Variants in HDAC9 observed in about 807,000 individuals in gnomAD.
The protein encoded by HDAC9 is histone deacetylase 9, also known as MEF-2 interacting transcription repressor (MITR) protein.
A neutral mutation model predicts 139.4 loss-of-function variants in HDAC9; 41 were observed. That is an observed-to-expected ratio of 0.29 (90% CI 0.23 to 0.38). The LOEUF (loss-of-function observed/expected upper bound fraction) is 0.38, where lower values mean the gene tolerates loss of function less well. HDAC9 is among the 10% of genes least tolerant of loss of function. HDAC9 has a pLI of 1.00. For missense variants in HDAC9, 1,147 were observed against 1,297.0 expected (o/e 0.88, Z 1.78); for synonymous variants, 517 against 476.2 (o/e 1.09, Z -1.12).
rs904488315 is a variant in HDAC9 at position 18,786,839 on chromosome 7, C to T, written c.2215-6506C>T. Among the ~76,000 whole-genome samples, 35 of 30,208 alleles carry T rather than the reference C, an allele frequency of 1.2e-3. 1 individual carries two copies. Among genetic ancestry groups the T allele is most frequent in the African/African-American group, 2.0e-3 (30 of 15,270 alleles). 19.8% of individuals were successfully genotyped at this position (30,208 alleles called of 152,430 possible). On this transcript the variant is annotated intron_variant, in intron 16 of 25. Transcript: ENST00000686413. ...TCCTTCATTCCTTCCTTCCTTCATTCCTTCCTTCCTTCCTTCTCTTTTCTT... is the reference window on the plus strand; with the variant it reads ...TCCTTCATTCCTTCCTTCCTTCATTTCTTCCTTCCTTCCTTCTCTTTTCTT...
chr7:18,882,110 G>T (rs1799783193), intron 22 of HDAC9, among the ~76,000 whole-genome samples: 1 of 151,996 alleles, frequency 6.6e-6, no homozygotes, highest in Non-Finnish European at 1.5e-5. Flanking sequence ...AACGAGTAAG[G>T]CTAAAAAGAA....
At chr7:18,686,429 G>A (rs984716473) in intron 12 of HDAC9, among the ~76,000 whole-genome samples, 1 of 151,806 alleles carries the variant, frequency 6.6e-6, no homozygotes, top group Non-Finnish European at 1.5e-5. Flanking sequence ...ACATGTCTTA[G>A]CATTTTTAAT....
At chr7:18,628,166 T>G (rs967167954) in intron 6 of HDAC9, among the ~76,000 whole-genome samples, 1 of 152,152 alleles carries the variant, frequency 6.6e-6, no homozygotes, top group African/African-American at 2.4e-5. Context: ...ATTTTATAAT[T>G]TTTATGATGA....
chr7:18,584,589 C>T (rs1218851707), intron 2 of HDAC9, among the ~76,000 whole-genome samples: 1 of 151,954 alleles, frequency 6.6e-6, no homozygotes, highest in African/African-American at 2.4e-5. Flanking sequence ...TTTAAGTTTC[C>T]TCATACTTTT....
chr7:18,418,235 C>T (rs1419800429), intron 1 of HDAC9, among the ~76,000 whole-genome samples: 1 of 152,112 alleles, frequency 6.6e-6, no homozygotes, highest in Non-Finnish European at 1.5e-5. Flanking sequence ...GCAGAACTTC[C>T]TTGACACTTC....
chr7:18,536,087 G>A (rs1487498806), intron 2 of HDAC9, among the ~76,000 whole-genome samples: 1 of 152,162 alleles, frequency 6.6e-6, no homozygotes, highest in Non-Finnish European at 1.5e-5. Context: ...CTGCAACCCA[G>A]GTGCATGACA....
Position 18,749,020 on chromosome 7 carries a change from C to T in HDAC9, c.1925C>T (p.Pro642Leu). Residue 642 changes from proline (P) to leucine (L), a missense_variant, in exon 14 of 26, where the codon CCC (proline) becomes CTC (leucine). This residue lies in a region of HDAC9 where 256 missense variants were observed against 219.2 expected (regional missense o/e 1.17). Coordinates refer to ENST00000686413, the MANE Select transcript of HDAC9 (RefSeq NM_178425.4). ...PGSATGIAYD[P>L]LMLKHQCVCG... Reference sequence around the variant, plus strand: ...TGTCTTAAAGGAATTGCCTATGACCCCTTGATGCTGAAACACCAGTGCGTT... The same window carrying T: ...TGTCTTAAAGGAATTGCCTATGACCTCTTGATGCTGAAACACCAGTGCGTT... 1 of 1,613,482 alleles carries T rather than the reference C, an allele frequency of 6.2e-7. No individual in the cohort carries two copies. The highest frequency in any genetic ancestry group is 8.5e-7 in the Non-Finnish European group (1 of 1,179,682).
At chr7:18,946,036 C>CAAAATAAAAAAAAAAAAAAAAAAAAAAA (rs1563077235) in intron 23 of HDAC9, among the ~76,000 whole-genome samples, 3 of 38,260 alleles carry the variant, frequency 7.8e-5, no homozygotes, top group Admixed American at 6.0e-4. Flanking sequence ...GACTCCGTCT[C>CAAAATAAAAAAAAAAAAAAAAAAAAAAA]AAAAAAAAAA....
intron 11 of HDAC9, among the ~76,000 whole-genome samples, chr7:18,658,582 C>A (rs1264787010): frequency 1.3e-5 from 2 of 151,940 alleles, no homozygotes; most frequent in Admixed American, 1.3e-4. Flanking sequence ...AATAATGAAC[C>A]AATATTTAGA....
chr7:18,968,483 T>C (rs1784029230), intron 24 of HDAC9, among the ~76,000 whole-genome samples: 3 of 152,110 alleles, frequency 2.0e-5, no homozygotes, highest in Non-Finnish European at 2.9e-5. Flanking sequence ...TAATGTTCCA[T>C]ACATATATGG....
rs77660927 is a variant in HDAC9, at chr7:18,433,889, A to G, written c.-41-62373A>G. Among the ~76,000 whole-genome samples the G allele has an allele frequency of 3.3e-3, 503 of 152,272 alleles. 1 individual carries two copies. The highest frequency in any genetic ancestry group is 0.012 in the African/African-American group (488 of 41,546). ...TAATGCTATTCCTGTCAAACTACCAACCTTTTTCACAAAATTGGGGAAAAA... is the reference window on the plus strand; with the variant it reads ...TAATGCTATTCCTGTCAAACTACCAGCCTTTTTCACAAAATTGGGGAAAAA... On this transcript the variant is annotated intron_variant, in intron 1 of 3. Transcript: ENST00000413509.
At chr7:18,383,252 G>A (rs982807555) in intron 1 of HDAC9, among the ~76,000 whole-genome samples, 7 of 152,142 alleles carry the variant, frequency 4.6e-5, no homozygotes, top group African/African-American at 1.4e-4. Flanking sequence ...CGATGTGCTC[G>A]TGCAGGGATG....
At chr7:18,644,886 A>G (rs1786884070) in intron 9 of HDAC9, 93 bp downstream of exon 9, 11 of 1,313,670 alleles carry the variant, frequency 8.4e-6, no homozygotes, top group Admixed American at 2.7e-5. Flanking sequence ...TAGACTTTAG[A>G]AAAACTTGAC....
At chr7:18,520,283 G>A (rs567588611) in intron 2 of HDAC9, among the ~76,000 whole-genome samples, 120 of 152,140 alleles carry the variant, frequency 7.9e-4, no homozygotes, top group Non-Finnish European at 1.4e-3. Context: ...CCTCTTGCAG[G>A]TAACTTTTTC....
intron 1 of HDAC9, among the ~76,000 whole-genome samples, chr7:18,319,861 A>AT (rs1041820165): frequency 1.5e-4 from 23 of 150,798 alleles, no homozygotes; most frequent in Admixed American, 4.0e-4. Flanking sequence ...CAGTATTTTG[A>AT]TTTTTTTTTT....
chr7:18,980,420 C>T (rs971542822), intron 25 of HDAC9, among the ~76,000 whole-genome samples: 2 of 152,294 alleles, frequency 1.3e-5, no homozygotes, highest in Admixed American at 1.3e-4. Context: ...CCTCTAGAGT[C>T]TCCACACTTC....
At chr7:18,959,055 G>T (rs1009100759) in intron 24 of HDAC9, among the ~76,000 whole-genome samples, 1 of 152,058 alleles carries the variant, frequency 6.6e-6, no homozygotes. Flanking sequence ...TTCCTTTCCT[G>T]AAACCCACCC....
intron 2 of HDAC9, among the ~76,000 whole-genome samples, chr7:18,220,732 C>G (rs1354414627): frequency 1.3e-5 from 2 of 152,214 alleles, no homozygotes; most frequent in South Asian, 2.1e-4. Context: ...AAACTGTAGA[C>G]CATCAGTTGA....
At chr7:18,395,219 G>T (rs1188038670) in intron 1 of HDAC9, 1 of 152,072 alleles carries the variant, frequency 6.6e-6, no homozygotes, top group Non-Finnish European at 1.5e-5. Flanking sequence ...TCTTCCACCA[G>T]CTGTGTGACC....
Sources: gnomAD v4.1 joint callset for allele counts (sites outside exome capture counted in the v4.1 genomes callset) on GRCh38, gnomAD v4.1.1 for gene constraint, gnomAD v4.1.1 regional missense constraint, MANE v1.5 for transcripts, NCBI Gene and HGNC (gene_info 2026-07-23, HGNC 2026-07-21) for gene names.